The following WDR72 variants were observed in gnomAD, a reference collection of about 807,000 sequenced individuals.
The protein encoded by WDR72 is WD repeat domain 72, also known as WD repeat-containing protein 72.
Under a neutral mutation model 124.2 loss-of-function variants are expected in WDR72, and 120 were observed. The ratio of observed to expected loss-of-function variants is 0.97; its 90% confidence interval spans 0.83 to 1.12. The LOEUF (loss-of-function observed/expected upper bound fraction) is 1.12, where lower values mean the gene tolerates loss of function less well. Among genes scored for constraint, WDR72 ranks in the 50% most tolerant of loss-of-function variants. The pLI, the probability that WDR72 is intolerant of heterozygous loss-of-function variation, is 0.00. For missense variants in WDR72, 1,387 were observed against 1,278.8 expected (o/e 1.08, Z -1.29); for synonymous variants, 452 against 441.7 (o/e 1.02, Z -0.29).
chr15:53,523,991 C>T (rs1891963946), intron 18 of WDR72, among the ~76,000 whole-genome samples: 2 of 152,020 alleles, frequency 1.3e-5, no homozygotes, highest in Admixed American at 6.6e-5. Flanking sequence ...TCTATAAACC[C>T]ATGGTACCGA....
At chr15:53,679,314 C>T (rs1175955815) in intron 13 of WDR72, among the ~76,000 whole-genome samples, 1 of 152,112 alleles carries the variant, frequency 6.6e-6, no homozygotes, top group Non-Finnish European at 1.5e-5. Context: ...ATGGTAAATT[C>T]TATGTTATGT....
At chr15:53,534,527 A>G (rs1238905804) in intron 18 of WDR72, among the ~76,000 whole-genome samples, 1 of 152,156 alleles carries the variant, frequency 6.6e-6, no homozygotes, top group Non-Finnish European at 1.5e-5. Flanking sequence ...CAAGCATAAA[A>G]CAAATTTTGT....
At chr15:53,609,660 C>T (rs2013449768) in intron 16 of WDR72, 68 bp from the exon 17 acceptor site, 1 of 1,330,170 alleles carries the variant, frequency 7.5e-7, no homozygotes, top group Non-Finnish European at 1.1e-6. Context: ...TTAAGATGGG[C>T]TGCATATTAG....
chr15:53,756,414 A>C lies in WDR72; in HGVS notation c.-13+3219T>G, dbSNP rs115063943. Among the ~76,000 whole-genome samples the C allele has an allele frequency of 8.1e-3, 1,241 of 152,302 alleles. 16 individuals are homozygous for C. Among genetic ancestry groups the C allele is most frequent in the African/African-American group, 0.028 (1,169 of 41,558 alleles). On this transcript the variant is annotated intron_variant, in intron 1 of 19. Transcript: ENST00000360509. ...CCCAGTCTTAGAGCAGTGTCCTTAG[A>C]GCAGTATGAGAAAGGACTAATACAT...
chr15:53,641,316 T>C (rs564344008), intron 14 of WDR72, among the ~76,000 whole-genome samples: 2 of 152,024 alleles, frequency 1.3e-5, no homozygotes, highest in Non-Finnish European at 2.9e-5. Flanking sequence ...TTCTCTGTTC[T>C]TGAACTTGTA....
chr15:53,686,203 CAT>C (rs2016616907), intron 13 of WDR72, among the ~76,000 whole-genome samples: 4 of 149,798 alleles, frequency 2.7e-5, no homozygotes, highest in Admixed American at 2.7e-4. Flanking sequence ...CAAATTCACA[CAT>C]AACAATATTA....
chr15:53,604,457 C>A (rs79054597), intron 17 of WDR72, among the ~76,000 whole-genome samples: 3 of 152,124 alleles, frequency 2.0e-5, no homozygotes, highest in African/African-American at 7.2e-5. Flanking sequence ...AAAGCAACTG[C>A]AACAAAAGCA....
intron 18 of WDR72, among the ~76,000 whole-genome samples, chr15:53,542,880 A>G (rs1346002249): frequency 7.3e-6 from 1 of 137,578 alleles, no homozygotes; most frequent in Non-Finnish European, 1.6e-5. Flanking sequence ...ACCAACAAAG[A>G]TCAAAAGAGA....
intron 18 of WDR72, among the ~76,000 whole-genome samples, chr15:53,543,488 C>G (rs1893265139): frequency 1.3e-5 from 2 of 151,260 alleles, no homozygotes; most frequent in South Asian, 4.3e-4. Context: ...GGGACGCATT[C>G]AAAGCAGTGT....
intron 1 of WDR72, among the ~76,000 whole-genome samples, chr15:53,744,511 T>C (rs12900927): frequency 0.14 from 20,962 of 152,170 alleles, 1,908 homozygotes; most frequent in Middle Eastern, 0.2. Flanking sequence ...TTAAATAATA[T>C]ATTTTGAAAT....
rs768166758 is a variant in WDR72 at position 53,733,054 on chromosome 15, A to G, written c.96T>C (p.Ile32=). Residue 32 remains isoleucine (I), a synonymous_variant, in exon 2 of 20, where the codon ATT becomes ATC. Transcript: ENST00000360509. ...AIMITDDQRT[I]VTGSQEGQLC... is the part of the protein sequence containing the mutation. ...GCTGACCCTCTTGACTTCCAGTCACAATCGTTCGCTGGTCATCAGTGATCA... is the reference window on the plus strand; with the variant it reads ...GCTGACCCTCTTGACTTCCAGTCACGATCGTTCGCTGGTCATCAGTGATCA... The G allele has an allele frequency of 1.2e-6, 2 of 1,614,066 alleles. No homozygotes were observed. Among genetic ancestry groups the G allele is most frequent in the Admixed American group, 3.3e-5 (2 of 60,014 alleles).
chr15:53,629,365 A>G (rs982676892), intron 14 of WDR72, among the ~76,000 whole-genome samples: 1 of 152,166 alleles, frequency 6.6e-6, no homozygotes, highest in Non-Finnish European at 1.5e-5. Flanking sequence ...TGAAACATAT[A>G]TTAACTCCAG....
At chr15:53,732,881 T>C in intron 2 of WDR72, 116 bp downstream of exon 2, 1 of 1,264,216 alleles carries the variant, frequency 7.9e-7, no homozygotes, top group Non-Finnish European at 1.1e-6. Flanking sequence ...TTTATTACTT[T>C]AATAAACATC....
chr15:53,576,436 G>A (rs1429088866), intron 18 of WDR72, among the ~76,000 whole-genome samples: 1 of 152,108 alleles, frequency 6.6e-6, no homozygotes, highest in Non-Finnish European at 1.5e-5. Context: ...CCATAAGCAG[G>A]TGTGTCCAGG....
chr15:53,685,854 C>T (rs1201974362), intron 13 of WDR72, among the ~76,000 whole-genome samples: 4 of 128,822 alleles, frequency 3.1e-5, no homozygotes, highest in Non-Finnish European at 4.8e-5. Flanking sequence ...AGACTAACAG[C>T]GGATCTCTCA....
In WDR72 at chr15:53,709,562, T is replaced by TA. The variant is rs1418085172; in HGVS notation, c.954+1294dup. Among the ~76,000 whole-genome samples the TA allele has an allele frequency of 5.3e-5, 8 of 152,304 alleles. No homozygotes were observed. The East Asian group carries it at 1.4e-3, about 26-fold the overall frequency. On this transcript the variant is annotated intron_variant, in intron 9 of 19. Transcript: ENST00000360509. ...GGCTTTCAGGGCAAACTGTGCTTTGTAAAAATGCATTCAAAGCTAAGGAGG... is the reference window on the plus strand; with the variant it reads ...GGCTTTCAGGGCAAACTGTGCTTTGTAAAAAATGCATTCAAAGCTAAGGAGG...
At chr15:53,582,086 T>C (rs535696209) in intron 18 of WDR72, among the ~76,000 whole-genome samples, 1 of 152,098 alleles carries the variant, frequency 6.6e-6, no homozygotes, top group Admixed American at 6.6e-5. Context: ...ACAGTTGTTA[T>C]AACTGGAGCA....
intron 13 of WDR72, among the ~76,000 whole-genome samples, chr15:53,690,176 C>A (rs985168349): frequency 4.6e-5 from 7 of 151,444 alleles, no homozygotes; most frequent in Admixed American, 2.6e-4. Flanking sequence ...TGTAACTAAC[C>A]TGCACAATGT....
intron 6 of WDR72, among the ~76,000 whole-genome samples, chr15:53,713,544 G>A (rs1013060645): frequency 2.6e-5 from 4 of 151,618 alleles, no homozygotes; most frequent in Admixed American, 1.3e-4. Context: ...CCCGCCTCCC[G>A]GGTTCAAACG....
Sources: gnomAD v4.1 joint callset for allele counts (sites outside exome capture counted in the v4.1 genomes callset) on GRCh38, gnomAD v4.1.1 for gene constraint, MANE v1.5 for transcripts, NCBI Gene and HGNC (gene_info 2026-07-23, HGNC 2026-07-21) for gene names.